Variants in IRS2 observed in about 807,000 individuals in gnomAD.
The protein encoded by IRS2 is insulin receptor substrate 2.
In IRS2, 28 loss-of-function variants were observed where a neutral mutation model predicts 70.9. The observed-to-expected ratio is 0.39, with a 90% confidence interval of 0.29 to 0.54. IRS2 has a LOEUF of 0.54. IRS2 is among the 20% of genes least tolerant of loss of function. The probability of loss-of-function intolerance (pLI) is 0.59; values close to 1 mark genes in which losing one functional copy is unlikely to be tolerated. For missense variants in IRS2, 2,081 were observed against 2,024.1 expected, an observed-to-expected ratio of 1.03 and a Z score of -0.54; for synonymous variants, 1,217 against 981.9, an observed-to-expected ratio of 1.24 and a Z score of -4.48.
At position 109,785,046 on chromosome 13, in the gene IRS2, C is replaced by G. The variant is rs1400814999; in HGVS notation, c.1008G>C (p.Thr336=). The change falls in exon 1 of 2, where the codon ACG becomes ACC. Residue 336 remains threonine (T), a synonymous_variant. Transcript: ENST00000375856. This position sits in a 1 kb window ranked among gnomAD's most constrained non-coding sequence, Gnocchi z 9.3. ...HHLVNLPPSQ[T]GLVRRSRTDS... ...CGGTGCGCGAGCGGCGCACCAGGCC[C>G]GTCTGGCTGGGGGGCAGGTTGACCA... The G allele has an allele frequency of 1.3e-6, 2 of 1,548,858 alleles. No individual in the cohort carries two copies. Among genetic ancestry groups the G allele is most frequent in the South Asian group, 2.4e-5 (2 of 84,608 alleles).
rs780638362 is a variant in IRS2, at chr13:109,782,670, G to A, written c.3384C>T (p.Asp1128=). ...EAFLQASQPP[D]PHRGAKVIRA... ...GGATGACCTTGGCGCCGCGGTGGGG[G>A]TCCGGGGGCTGGCTGGCCTGCAGGA... Residue 1128 remains aspartate, a synonymous_variant, in exon 1 of 2, where the codon GAC becomes GAT. Coordinates refer to ENST00000375856, the MANE Select transcript of IRS2 (RefSeq NM_003749.3). 5.1e-6 allele frequency: 8 copies of A among 1,572,978 alleles called. No homozygotes were observed. The highest frequency in any genetic ancestry group is 6.9e-6 in the Non-Finnish European group (8 of 1,161,002).
At chr13:109,769,636 G>A (rs1251575897) in intron 1 of IRS2, among the ~76,000 whole-genome samples, 1 of 152,134 alleles carries the variant, frequency 6.6e-6, no homozygotes, top group Non-Finnish European at 1.5e-5. Context: ...ACCACCTGTA[G>A]TGCTTCATCT....
Position 109,783,187 on chromosome 13 carries a change from G to A in IRS2, c.2867C>T (p.Ser956Leu), listed in dbSNP as rs1056078. ...SSLLSASSPA[S>L]SLGSGTPGTS... ...GCCCGGGGTGCCTGAGCCCAGCGAC[G>A]AGGCCGGGCTGCTGGCGGACAAGAG... Residue 956 changes from serine (S) to leucine (L), a missense_variant, in exon 1 of 2, where the codon TCG becomes TTG. By Grantham distance (145) the Ser-to-Leu change is moderately radical. This residue lies in a region of IRS2 where 1,615 missense variants were observed against 1,459.5 expected (regional missense o/e 1.11). Coordinates refer to ENST00000375856, the MANE Select transcript of IRS2 (RefSeq NM_003749.3). 10 of 1,387,338 alleles carry A rather than the reference G, an allele frequency of 7.2e-6. No homozygotes were observed. The highest frequency in any genetic ancestry group is 3.5e-5 in the Admixed American group (1 of 28,898). 85.9% of individuals were successfully genotyped at this position (1,387,338 alleles called of 1,614,324 possible).
intron 1 of IRS2, 25 bp downstream of exon 1, chr13:109,782,017 A>G: frequency 6.2e-7 from 1 of 1,610,488 alleles, no homozygotes; most frequent in Non-Finnish European, 8.5e-7. Context: ...TTCCCGCCAG[A>G]CGCCAAGGCA....
chr13:109,774,786 T>C (rs1877534753), intron 1 of IRS2, among the ~76,000 whole-genome samples: 1 of 152,194 alleles, frequency 6.6e-6, no homozygotes, highest in Non-Finnish European at 1.5e-5. Context: ...TATACCATAT[T>C]GTATATAGGA....
At chr13:109,764,586 T>C (rs953120356) in intron 1 of IRS2, among the ~76,000 whole-genome samples, 5 of 152,246 alleles carry the variant, frequency 3.3e-5, no homozygotes, top group African/African-American at 1.2e-4. Flanking sequence ...AAATAATGTA[T>C]ACATGTAACC....
chr13:109,758,425 CTAGT>C (rs1877153800), intron 1 of IRS2, among the ~76,000 whole-genome samples: 1 of 152,190 alleles, frequency 6.6e-6, no homozygotes, highest in Non-Finnish European at 1.5e-5. Flanking sequence ...AACAGCTAAA[CTAGT>C]AAGTTCTTCA....
chr13:109,756,419 A>T (rs1160154654), intron 1 of IRS2, 111 bp from the exon 2 acceptor site: 2 of 857,336 alleles, frequency 2.3e-6, no homozygotes, highest in African/African-American at 3.3e-5. Flanking sequence ...TCATTTTCAT[A>T]AACTGATGAC....
intron 1 of IRS2, among the ~76,000 whole-genome samples, chr13:109,765,289 T>C (rs1877311065): frequency 2.0e-5 from 3 of 152,202 alleles, no homozygotes; most frequent in Non-Finnish European, 1.5e-5. Flanking sequence ...AGCTACCAAC[T>C]ATATAAAGTT....
In IRS2 at chr13:109,784,842, G is replaced by T. The variant is rs543264637; in HGVS notation, c.1212C>A (p.Thr404=). ...CGCGGCCGCCGCAGCCGCCGCTCAG[G>T]GTGTGCGAGCGGCTCAGGGGCGCGC... ...PVRAPLSRSH[T]LSGGCGGRGS... is the part of the protein sequence containing the mutation. Residue 404 remains threonine, a synonymous_variant, in exon 1 of 2, where the codon ACC becomes ACA. Coordinates refer to ENST00000375856, the MANE Select transcript of IRS2 (RefSeq NM_003749.3). The surrounding 1 kb of genome is among the most constrained non-coding windows in gnomAD (Gnocchi z 5.2). 2 of 1,241,972 alleles carry T rather than the reference G, an allele frequency of 1.6e-6. No individual in the cohort carries two copies. The highest frequency in any genetic ancestry group is 2.2e-5 in the South Asian group (1 of 45,118). 76.9% of individuals were successfully genotyped at this position (1,241,972 alleles called of 1,614,324 possible).
chr13:109,758,388 T>C (rs1460422462), intron 1 of IRS2, among the ~76,000 whole-genome samples: 2 of 152,266 alleles, frequency 1.3e-5, no homozygotes. Context: ...AATTATCTCA[T>C]GTTAACTCTA....
In IRS2 at chr13:109,752,724, A is replaced by G. The variant is rs1158253763; in HGVS notation, c.*3580T>C. On this transcript the variant is annotated 3_prime_UTR_variant, in exon 2 of 2. Coordinates refer to ENST00000375856, the MANE Select transcript of IRS2 (RefSeq NM_003749.3). ...AAATTGCACTGATTTTATTTGTTCA[A>G]AAGATAACACACACATTATTACATG... The G allele has an allele frequency of 1.3e-5, 2 of 152,222 alleles. No homozygotes were observed. The highest frequency in any genetic ancestry group is 4.8e-5 in the African/African-American group (2 of 41,460). 9.4% of individuals were successfully genotyped at this position (152,222 alleles called of 1,614,324 possible). A position where few individuals can be genotyped will look rare whatever the true frequency, so the allele number is the denominator to read the frequency against.
intron 1 of IRS2, among the ~76,000 whole-genome samples, chr13:109,778,903 T>G (rs1477510264): frequency 6.6e-6 from 1 of 152,202 alleles, no homozygotes; most frequent in Non-Finnish European, 1.5e-5. Flanking sequence ...TAAAGTTAAT[T>G]TTAAAAATCA....
rs2138932481 is a variant in IRS2, at chr13:109,783,394, G to A, written c.2660C>T (p.Ala887Val). The stretch of plus-strand genomic sequence containing the variant: ...CAGGGACAGGCGCGTGGGCCTCACC[G>A]CCCGGCCGCGCTGGCCCAAGAAGCC... ...PEGFLGQRGR[A>V]VRPTRLSLEG... Residue 887 changes from alanine to valine, a missense_variant, in exon 1 of 2, where the codon GCG becomes GTG. This residue lies in a region of IRS2 where 1,615 missense variants were observed against 1,459.5 expected (regional missense o/e 1.11). Coordinates refer to ENST00000375856, the MANE Select transcript of IRS2 (RefSeq NM_003749.3). 1 of 1,480,738 alleles carries A rather than the reference G, an allele frequency of 6.8e-7. No individual in the cohort carries two copies. Among genetic ancestry groups the A allele is most frequent in the Non-Finnish European group, 8.9e-7 (1 of 1,126,350 alleles). The allele number at this position is 1,480,738 out of a possible 1,614,324, so 91.7% of individuals were successfully genotyped here.
intron 1 of IRS2, among the ~76,000 whole-genome samples, chr13:109,768,403 G>A (rs989882129): frequency 2.6e-5 from 4 of 152,160 alleles, no homozygotes; most frequent in Admixed American, 1.3e-4. Flanking sequence ...CAGGGCACCC[G>A]TACACACCTA....
At position 109,786,075 on chromosome 13, in the gene IRS2, G is replaced by A. The variant is rs1877915578; in HGVS notation, c.-22C>T. On this transcript the variant is annotated 5_prime_UTR_variant, in exon 1 of 2. Coordinates refer to ENST00000375856, the MANE Select transcript of IRS2 (RefSeq NM_003749.3). This position sits in a 1 kb window ranked among gnomAD's most constrained non-coding sequence, Gnocchi z 4.4. ...CCATCGCGGGCGCTTCAGGCCGCGC[G>A]GCCCGGGCCCGGCGCCCAGGGGTTG... The A allele has an allele frequency of 1.9e-6, 2 of 1,059,820 alleles. No homozygotes were observed. Among genetic ancestry groups the A allele is most frequent in the Non-Finnish European group, 1.1e-6 (1 of 884,150 alleles). The allele number at this position is 1,059,820 out of a possible 1,614,324, so 65.7% of individuals were successfully genotyped here.
chr13:109,786,190 G>GGC lies in IRS2; in HGVS notation c.-139_-138dup, dbSNP rs1288333598. 2.5e-6 allele frequency: 1 copy of GGC among 399,816 alleles called. No individual in the cohort carries two copies. The highest frequency in any genetic ancestry group is 3.4e-6 in the Non-Finnish European group (1 of 297,246). The allele number at this position is 399,816 out of a possible 1,614,324, so 24.8% of individuals were successfully genotyped here. ...CCCGATCACGCGTCCCTCGGGCCCA[G>GGC]GCGGTGGGGAAGGTCCGGGGAGGCC... On this transcript the variant is annotated 5_prime_UTR_variant, in exon 1 of 2. Transcript: ENST00000375856. The surrounding 1 kb of genome is among the most constrained non-coding windows in gnomAD (Gnocchi z 4.4).
intron 1 of IRS2, among the ~76,000 whole-genome samples, chr13:109,781,685 G>C (rs1877706029): frequency 6.6e-6 from 1 of 152,124 alleles, no homozygotes; most frequent in African/African-American, 2.4e-5. Context: ...CACGCAGCCG[G>C]ATGAAGACAG....
chr13:109,772,031 T>C (rs1031121078), intron 1 of IRS2, among the ~76,000 whole-genome samples: 13 of 152,260 alleles, frequency 8.5e-5, no homozygotes, highest in African/African-American at 3.1e-4. Flanking sequence ...CCCTTATTTA[T>C]CCATCCATCT....
Sources: allele counts gnomAD v4.1 joint callset (sites outside exome capture counted in the v4.1 genomes callset), GRCh38; gene constraint gnomAD v4.1.1; regional missense constraint gnomAD v4.1.1; non-coding constraint Gnocchi (gnomAD v3.1); transcripts MANE v1.5; gene names NCBI Gene and HGNC (gene_info 2026-07-23, HGNC 2026-07-21).